CENPP: variants seen among roughly 807,000 people sequenced by gnomAD.
The protein encoded by CENPP is centromere protein P.
A neutral mutation model predicts 35.6 loss-of-function variants in CENPP; 24 were observed. The observed-to-expected ratio is 0.67, with a 90% confidence interval of 0.49 to 0.95. The LOEUF is 0.95. Ranked by LOEUF, CENPP falls within the 40% of genes least tolerant of loss-of-function variation. CENPP has a pLI of 0.00. For missense variants in CENPP, 332 were observed against 345.3 expected (o/e 0.96, Z 0.31); for synonymous variants, 120 against 125.5 (o/e 0.96, Z 0.29).
intron 5 of CENPP, among the ~76,000 whole-genome samples, chr9:92,570,064 C>T (rs1850094756): frequency 6.6e-6 from 1 of 152,044 alleles, no homozygotes; most frequent in Admixed American, 6.6e-5. Flanking sequence ...AATTGAATAC[C>T]CTTTATTTCT....
At chr9:92,596,557 C>G (rs1448863800) in intron 5 of CENPP, among the ~76,000 whole-genome samples, 1 of 151,290 alleles carries the variant, frequency 6.6e-6, no homozygotes, top group African/African-American at 2.4e-5. Context: ...CGAGAGAAAG[C>G]CTTGAGGAAG....
chr9:92,416,640 GGTA>G, intron 5 of CENPP: 1 of 1,579,136 alleles, frequency 6.3e-7, no homozygotes, highest in Non-Finnish European at 8.6e-7. Context: ...TTATTTTGTA[GGTA>G]TAGGTGTTCC....
At chr9:92,545,220 G>A (rs140243917) in intron 5 of CENPP, among the ~76,000 whole-genome samples, 2,176 of 152,058 alleles carry the variant, frequency 0.014, 28 homozygotes, top group Non-Finnish European at 0.022. Flanking sequence ...GAGCCGGCTC[G>A]GACCTGGGAT....
intron 5 of CENPP, among the ~76,000 whole-genome samples, chr9:92,496,653 T>TA (rs1156849957): frequency 6.6e-6 from 1 of 152,196 alleles, no homozygotes; most frequent in Non-Finnish European, 1.5e-5. Flanking sequence ...GATGAAGCCA[T>TA]AGAAGCACTA....
intron 5 of CENPP, among the ~76,000 whole-genome samples, chr9:92,421,502 A>T (rs1471166536): frequency 2.0e-5 from 3 of 152,246 alleles, no homozygotes; most frequent in Non-Finnish European, 1.5e-5. Flanking sequence ...TTATGGTATC[A>T]TACCAAAGGG....
At chr9:92,599,375 G>A (rs2131384215) in intron 5 of CENPP, among the ~76,000 whole-genome samples, 2 of 152,228 alleles carry the variant, frequency 1.3e-5, no homozygotes, top group Middle Eastern at 3.4e-3. Context: ...CCATACGGGA[G>A]GGATTGTGTG....
chr9:92,432,657 C>A (rs1844142113), intron 5 of CENPP, among the ~76,000 whole-genome samples: 1 of 152,166 alleles, frequency 6.6e-6, no homozygotes, highest in Non-Finnish European at 1.5e-5. Flanking sequence ...CAGTACTCCA[C>A]CCTCACAGAA....
chr9:92,405,584 A>G (rs1479223801), intron 5 of CENPP, among the ~76,000 whole-genome samples: 4 of 152,178 alleles, frequency 2.6e-5, no homozygotes, highest in Non-Finnish European at 5.9e-5. Context: ...TTATGGCTTC[A>G]AGGATACAGT....
At chr9:92,533,207 G>A (rs578134204) in intron 5 of CENPP, among the ~76,000 whole-genome samples, 4 of 146,346 alleles carry the variant, frequency 2.7e-5, no homozygotes, top group Non-Finnish European at 3.0e-5. Context: ...AGCTGAGGCA[G>A]GAGAATCACT....
chr9:92,426,581 G>C (rs1423274098), intron 5 of CENPP, among the ~76,000 whole-genome samples: 1 of 152,152 alleles, frequency 6.6e-6, no homozygotes, highest in Non-Finnish European at 1.5e-5. Flanking sequence ...AAGGTAAAGG[G>C]ATAAAAATGA....
intron 5 of CENPP, among the ~76,000 whole-genome samples, chr9:92,442,398 CA>C (rs71362387): frequency 0.35 from 25,677 of 74,238 alleles, 2,798 homozygotes; most frequent in African/African-American, 0.52. Context: ...AACTCTGTCT[CA>C]AAAAAAAAAA....
intron 5 of CENPP, among the ~76,000 whole-genome samples, chr9:92,481,575 A>C (rs906135849): frequency 6.6e-6 from 1 of 152,210 alleles, no homozygotes; most frequent in Admixed American, 6.5e-5. Context: ...TTTTAATCTA[A>C]AATTTAATCA....
At chr9:92,531,697 T>C (rs914977967) in intron 5 of CENPP, among the ~76,000 whole-genome samples, 2 of 152,146 alleles carry the variant, frequency 1.3e-5, no homozygotes, top group Non-Finnish European at 2.9e-5. Flanking sequence ...TGAGAACCAC[T>C]TGTTTAGGTT....
intron 4 of CENPP, among the ~76,000 whole-genome samples, chr9:92,348,626 A>G (rs1231242417): frequency 6.6e-6 from 1 of 152,132 alleles, no homozygotes; most frequent in Non-Finnish European, 1.5e-5. Context: ...TCCTGATCTC[A>G]GGTGATCCAC....
At chr9:92,446,098 A>G (rs1325614996) in intron 5 of CENPP, among the ~76,000 whole-genome samples, 4 of 152,160 alleles carry the variant, frequency 2.6e-5, no homozygotes, top group Non-Finnish European at 5.9e-5. Context: ...AAAACTCTCC[A>G]TCACTGGAAG....
intron 1 of CENPP, among the ~76,000 whole-genome samples, chr9:92,327,568 C>T (rs1401713324): frequency 6.6e-6 from 1 of 152,220 alleles, no homozygotes; most frequent in African/African-American, 2.4e-5. Flanking sequence ...TATTTAAATG[C>T]ATTACAATTA....
At chr9:92,415,333 TAATA>T (rs780756593) in intron 5 of CENPP, 15 of 1,613,602 alleles carry the variant, frequency 9.3e-6, no homozygotes, top group East Asian at 4.5e-5. Flanking sequence ...TTGTTCACCA[TAATA>T]AATAGTGTGT....
chr9:92,613,378 A>C lies in CENPP; in HGVS notation c.*229A>C, dbSNP rs1588322373. 2 of 476,668 alleles carry C rather than the reference A, an allele frequency of 4.2e-6. No individual in the cohort carries two copies. The highest frequency in any genetic ancestry group is 8.4e-5 in the East Asian group (2 of 23,940). 29.5% of individuals were successfully genotyped at this position (476,668 alleles called of 1,614,324 possible). On this transcript the variant is annotated 3_prime_UTR_variant, in exon 8 of 8. Coordinates refer to ENST00000375587, the MANE Select transcript of CENPP (RefSeq NM_001012267.3). ...ACGTACAATGTGGTTTATAAAAATA[A>C]GCTTAACATCTGAGAAAATGTACCA... is the stretch of plus-strand genomic sequence containing the variant.
At chr9:92,596,465 A>AT (rs1564015669) in intron 5 of CENPP, among the ~76,000 whole-genome samples, 1 of 150,796 alleles carries the variant, frequency 6.6e-6, no homozygotes, top group Non-Finnish European at 1.5e-5. Context: ...AAAAAAAAAA[A>AT]AAAAAGAAAG....
Sources: allele counts gnomAD v4.1 joint callset (sites outside exome capture counted in the v4.1 genomes callset), GRCh38; gene constraint gnomAD v4.1.1; transcripts MANE v1.5; gene names NCBI Gene and HGNC (gene_info 2026-07-23, HGNC 2026-07-21).